The following PDGFD variants were observed in gnomAD, a reference collection of about 807,000 sequenced individuals.
The protein encoded by PDGFD is platelet derived growth factor D.
In PDGFD, 30 loss-of-function variants were observed where a neutral mutation model predicts 44.7. The ratio of observed to expected loss-of-function variants is 0.67; its 90% CI spans 0.50 to 0.91. The LOEUF is 0.91. Ranked by LOEUF, PDGFD falls within the 40% of genes least tolerant of loss-of-function variation. The pLI, the probability that PDGFD is intolerant of heterozygous loss-of-function variation, is 0.00. For synonymous variants in PDGFD, 173 were observed against 168.4 expected (o/e 1.03, Z -0.21); for missense variants, 445 against 457.8 (o/e 0.97, Z 0.25).
chr11:104,152,953 T>C (rs1862264719), intron 1 of PDGFD, among the ~76,000 whole-genome samples: 2 of 152,152 alleles, frequency 1.3e-5, no homozygotes, highest in South Asian at 2.1e-4. Context: ...CTTTATAATA[T>C]ATAGTCATTT....
At chr11:103,937,956 T>C (rs1224519225) in intron 5 of PDGFD, among the ~76,000 whole-genome samples, 1 of 151,616 alleles carries the variant, frequency 6.6e-6, no homozygotes, top group Admixed American at 6.6e-5. Context: ...TCTATCGTTG[T>C]TGGACATTTA....
intron 1 of PDGFD, among the ~76,000 whole-genome samples, chr11:104,052,497 T>G (rs1409183090): frequency 6.6e-6 from 1 of 152,188 alleles, no homozygotes; most frequent in African/African-American, 2.4e-5. Context: ...ATTTATTAAT[T>G]ATTGATGAGC....
rs1860284846 is a variant in PDGFD, at chr11:104,038,106, C to T, written c.125-37851G>A. 3.9e-6 allele frequency: 5 copies of T among 1,285,832 alleles called. No homozygotes were observed. In the African/African-American group the frequency reaches 7.4e-5, roughly 19 times the overall value. 79.7% of individuals were successfully genotyped at this position (1,285,832 alleles called of 1,614,324 possible). A position where few individuals can be genotyped will look rare whatever the true frequency, so the allele number is the denominator to read the frequency against. On this transcript the variant is annotated intron_variant, in intron 1 of 6. Coordinates refer to ENST00000393158, the MANE Select transcript of PDGFD (RefSeq NM_025208.5). ...TACTGGCAATGTAATCATTAAAAAA[C>T]ATCAGTAACAACTAAACCTGGCCTT... is the stretch of plus-strand genomic sequence containing the variant.
At chr11:103,909,881 C>T (rs866961202) in intron 6 of PDGFD, 62 bp from the exon 7 acceptor site, 16 of 1,601,746 alleles carry the variant, frequency 1.0e-5, no homozygotes, top group South Asian at 6.6e-5. Context: ...TCAGATGCCA[C>T]CTACTTATTA....
In PDGFD at chr11:104,037,121, C is replaced by T. The variant is rs746509658; in HGVS notation, c.125-36866G>A. 1.2e-4 allele frequency: 190 copies of T among 1,613,836 alleles called. No homozygotes were observed. Among genetic ancestry groups the T allele is most frequent in the Non-Finnish European group, 1.6e-4 (188 of 1,180,014 alleles). The stretch of plus-strand genomic sequence containing the variant: ...CCTCGTGTAGACTTCAGTGGCATTG[C>T]GGTGCCTGGGACGTCCAGCTCCCGT... On this transcript the variant is annotated intron_variant, in intron 1 of 6. Coordinates refer to ENST00000393158, the MANE Select transcript of PDGFD (RefSeq NM_025208.5).
chr11:103,909,741 G>A lies in PDGFD; in HGVS notation c.1066C>T (p.His356Tyr), dbSNP rs1259640825. The A allele has an allele frequency of 1.7e-5, 27 of 1,613,900 alleles. No homozygotes were observed. Among genetic ancestry groups the A allele is most frequent in the Non-Finnish European group, 2.3e-5 (27 of 1,179,888 alleles). ...TMALVDIQLD[H>Y]HERCDCICSS... The stretch of plus-strand genomic sequence containing the variant: ...CAGATACAATCACATCGTTCATGGT[G>A]ATCCAACTGGATGTCAACTAGAGCC... The change falls in exon 7 of 7, where the codon CAC becomes TAC. Residue 356 changes from histidine (H) to tyrosine (Y), a missense_variant. His to Tyr is a moderately conservative substitution (Grantham distance 83). Transcript: ENST00000393158.
intron 3 of PDGFD, among the ~76,000 whole-genome samples, chr11:103,985,253 G>C (rs1273611480): frequency 6.7e-6 from 1 of 149,102 alleles, no homozygotes; most frequent in African/African-American, 2.5e-5. Context: ...CAAGGCTGCA[G>C]TCCAGTGGTG....
chr11:103,994,784 A>C (rs1215584292), intron 3 of PDGFD, among the ~76,000 whole-genome samples: 1 of 152,182 alleles, frequency 6.6e-6, no homozygotes, highest in Non-Finnish European at 1.5e-5. Flanking sequence ...TATTTATGTT[A>C]ATGTATAGAC....
At chr11:104,068,032 T>C (rs1860817645) in intron 1 of PDGFD, among the ~76,000 whole-genome samples, 2 of 152,200 alleles carry the variant, frequency 1.3e-5, no homozygotes, top group Non-Finnish European at 2.9e-5. Flanking sequence ...ACTTGAAATG[T>C]TAACACATTA....
At chr11:103,939,287 A>G (rs376603672) in intron 5 of PDGFD, among the ~76,000 whole-genome samples, 4 of 151,996 alleles carry the variant, frequency 2.6e-5, no homozygotes, top group East Asian at 3.9e-4. Context: ...TGTAAGTTGG[A>G]TTCCTAGGTA....
chr11:104,075,516 TGG>T (rs1860943792), intron 1 of PDGFD, among the ~76,000 whole-genome samples: 1 of 152,068 alleles, frequency 6.6e-6, no homozygotes, highest in Non-Finnish European at 1.5e-5. Context: ...ATTTTAGAGT[TGG>T]GGTCTTGCTC....
chr11:104,094,471 C>G (rs1229840869), intron 1 of PDGFD, among the ~76,000 whole-genome samples: 3 of 152,036 alleles, frequency 2.0e-5, no homozygotes, highest in Non-Finnish European at 4.4e-5. Flanking sequence ...ACTTGAGATG[C>G]AAGCATCTCA....
intron 1 of PDGFD, among the ~76,000 whole-genome samples, chr11:104,113,640 A>G (rs1490234076): frequency 6.6e-6 from 1 of 151,392 alleles, no homozygotes; most frequent in African/African-American, 2.4e-5. Flanking sequence ...AGTAAATACC[A>G]CTGAGCAGGA....
chr11:103,925,681 A>G (rs79913936), intron 6 of PDGFD, among the ~76,000 whole-genome samples: 2,607 of 31,688 alleles, frequency 0.082, 77 homozygotes, highest in African/African-American at 0.3. Context: ...GTGTCTGTGT[A>G]TATATATATA....
At chr11:104,034,395 A>T (rs1031642369) in intron 1 of PDGFD, among the ~76,000 whole-genome samples, 3 of 152,170 alleles carry the variant, frequency 2.0e-5, no homozygotes, top group African/African-American at 7.2e-5. Context: ...TGATAATTAG[A>T]GCAGTGAGCG....
rs768352071 is a variant in PDGFD at position 104,037,067 on chromosome 11, C to T, written c.125-36812G>A. 21 of 1,614,136 alleles carry T rather than the reference C, an allele frequency of 1.3e-5. No individual in the cohort carries two copies. In the East Asian group the frequency reaches 1.6e-4, roughly 12 times the overall value. ...TTACTGCAGAAGGACAATGTGGGAC[C>T]TCGGGCTCCAGGGCGTGCCCCGAAC... On this transcript the variant is annotated intron_variant, in intron 1 of 6. Coordinates refer to ENST00000393158, the MANE Select transcript of PDGFD (RefSeq NM_025208.5).
At chr11:104,064,941 G>C (rs1438596667) in intron 1 of PDGFD, among the ~76,000 whole-genome samples, 2 of 152,218 alleles carry the variant, frequency 1.3e-5, no homozygotes, top group South Asian at 2.1e-4. Context: ...GTATCTGTGA[G>C]GGTGTTGCCA....
At chr11:103,948,154 T>A (rs1858690725) in intron 3 of PDGFD, among the ~76,000 whole-genome samples, 1 of 152,232 alleles carries the variant, frequency 6.6e-6, no homozygotes, top group Admixed American at 6.5e-5. Flanking sequence ...TAATTATCAT[T>A]ATTGACATAT....
intron 1 of PDGFD, among the ~76,000 whole-genome samples, chr11:104,043,796 A>C (rs1439277964): frequency 6.6e-6 from 1 of 152,116 alleles, no homozygotes; most frequent in Non-Finnish European, 1.5e-5. Flanking sequence ...TTTAACAAGC[A>C]GATCTTGCAT....
Sources: allele counts gnomAD v4.1 joint callset (sites outside exome capture counted in the v4.1 genomes callset), GRCh38; gene constraint gnomAD v4.1.1; transcripts MANE v1.5; gene names NCBI Gene and HGNC (gene_info 2026-07-23, HGNC 2026-07-21).